MDGA2: variants seen among roughly 807,000 people sequenced by gnomAD.
MDGA2 encodes the protein MAM domain-containing glycosylphosphatidylinositol anchor protein 2.
In MDGA2, 40 loss-of-function variants were observed where a neutral mutation model predicts 117.8. The ratio of observed to expected loss-of-function variants is 0.34; its 90% CI spans 0.26 to 0.44. MDGA2 has a LOEUF of 0.44. Among genes scored for constraint, MDGA2 ranks in the 20% least tolerant of loss-of-function variants. The pLI, the probability that MDGA2 is intolerant of heterozygous loss-of-function variation, is 1.00. For synonymous variants in MDGA2, 452 were observed against 439.0 expected (o/e 1.03, Z -0.37); for missense variants, 1,123 against 1,250.6 (o/e 0.90, Z 1.54).
intron 3 of MDGA2, among the ~76,000 whole-genome samples, chr14:47,203,758 G>A (rs137984951): frequency 1.1e-3 from 170 of 152,054 alleles, no homozygotes; most frequent in African/African-American, 4.0e-3. Context: ...TTTGATTCAA[G>A]AGATCTGGGC....
chr14:47,036,194 C>G (rs758951096), intron 7 of MDGA2, among the ~76,000 whole-genome samples: 1 of 141,842 alleles, frequency 7.1e-6, no homozygotes, highest in African/African-American at 2.7e-5. Flanking sequence ...GGTGTGAACC[C>G]GGGAGGCGGA....
rs557622166 is a variant in MDGA2 at position 46,871,912 on chromosome 14, C to T, written c.2752+1521G>A. Reference sequence around the variant, plus strand: ...CCTGTAATCCCAGCATTTTGAGAGGCGAAGGTGGGAAGATTCCTTGAGACC... The same window carrying T: ...CCTGTAATCCCAGCATTTTGAGAGGTGAAGGTGGGAAGATTCCTTGAGACC... On this transcript the variant is annotated intron_variant, in intron 14 of 16. Coordinates refer to ENST00000399232, the MANE Select transcript of MDGA2 (RefSeq NM_001113498.3). 4.3e-5 allele frequency: 17 copies of T among 398,162 alleles called. No individual in the cohort carries two copies. In the East Asian group the frequency reaches 6.8e-4, roughly 16 times the overall value. The allele number at this position is 398,162 out of a possible 1,614,324, so 24.7% of individuals were successfully genotyped here.
At chr14:47,185,375 C>A (rs978535181) in intron 3 of MDGA2, among the ~76,000 whole-genome samples, 5 of 151,310 alleles carry the variant, frequency 3.3e-5, no homozygotes, top group African/African-American at 4.8e-5. Context: ...CCTAAAAGCA[C>A]CCCTATGCTT....
intron 3 of MDGA2, among the ~76,000 whole-genome samples, chr14:47,178,565 G>A (rs1040722992): frequency 3.3e-5 from 5 of 151,952 alleles, no homozygotes; most frequent in Non-Finnish European, 7.4e-5. Flanking sequence ...AATGTTTCAT[G>A]TTTACCATTT....
chr14:47,509,597 C>T (rs1429326204), intron 1 of MDGA2, among the ~76,000 whole-genome samples: 2 of 152,186 alleles, frequency 1.3e-5, no homozygotes, highest in East Asian at 3.9e-4. Context: ...GGGTGGGGGG[C>T]CTTCCTACCA....
chr14:47,336,738 T>C (rs1890471070), intron 1 of MDGA2, among the ~76,000 whole-genome samples: 1 of 152,004 alleles, frequency 6.6e-6, no homozygotes, highest in Non-Finnish European at 1.5e-5. Flanking sequence ...ATCTCCATCA[T>C]ATCACATGGT....
chr14:47,030,989 T>C (rs1888644802), intron 8 of MDGA2, among the ~76,000 whole-genome samples: 1 of 152,132 alleles, frequency 6.6e-6, no homozygotes, highest in Non-Finnish European at 1.5e-5. Flanking sequence ...CTTAACAGGA[T>C]ATAGAATGGT....
rs1023180233 is a variant in MDGA2 at position 47,491,407 on chromosome 14, G to A, written c.280+183110C>T. ...CCTTTCCTCTATGAGAATAAGGGGC[G>A]TGTTGAACTTTATCCTATTTGAAGC... is the stretch of plus-strand genomic sequence containing the variant. On this transcript the variant is annotated intron_variant, in intron 1 of 16. Coordinates refer to ENST00000399232, the MANE Select transcript of MDGA2 (RefSeq NM_001113498.3). 1.7e-4 allele frequency among the ~76,000 whole-genome samples: 26 copies of A among 152,136 alleles called. 1 individual carries two copies. The highest frequency in any genetic ancestry group is 5.8e-4 in the African/African-American group (24 of 41,542).
chr14:47,059,089 C>G lies in MDGA2; in HGVS notation c.1525+2160G>C, dbSNP rs148914105. On this transcript the variant is annotated intron_variant, in intron 7 of 16. Coordinates refer to ENST00000399232, the MANE Select transcript of MDGA2 (RefSeq NM_001113498.3). ...ATTACAATAAGGGCAGTAAGAGGCA[C>G]AGCAAATGTCTATATTATAGAGACA... The G allele has an allele frequency of 8.3e-5, 85 of 1,019,718 alleles. No individual in the cohort carries two copies. In the African/African-American group the frequency reaches 1.4e-3, roughly 17 times the overall value. 63.2% of individuals were successfully genotyped at this position (1,019,718 alleles called of 1,614,324 possible). A position where few individuals can be genotyped will look rare whatever the true frequency, so the allele number is the denominator to read the frequency against.
At chr14:47,632,808 C>T (rs1050568714) in intron 1 of MDGA2, among the ~76,000 whole-genome samples, 1 of 151,722 alleles carries the variant, frequency 6.6e-6, no homozygotes, top group African/African-American at 2.4e-5. Context: ...CTCTCTCCTT[C>T]TGATTAACAC....
chr14:47,637,728 A>G (rs969698730), intron 1 of MDGA2, among the ~76,000 whole-genome samples: 3 of 152,222 alleles, frequency 2.0e-5, no homozygotes, highest in African/African-American at 4.8e-5. Flanking sequence ...TCCAAATTGT[A>G]AGTGCAAGTT....
chr14:47,128,320 A>G (rs1479346897), intron 5 of MDGA2, among the ~76,000 whole-genome samples: 1 of 152,260 alleles, frequency 6.6e-6, no homozygotes, highest in South Asian at 2.1e-4. Flanking sequence ...GATTTTAAAA[A>G]TTAATAAGGC....
At chr14:47,153,341 C>A (rs1883234819) in intron 3 of MDGA2, among the ~76,000 whole-genome samples, 1 of 152,062 alleles carries the variant, frequency 6.6e-6, no homozygotes, top group African/African-American at 2.4e-5. Context: ...TGATTAGAAA[C>A]CGGGCTGGGC....
rs148271624 is a variant in MDGA2, at chr14:47,443,621, T to C, written c.281-142071A>G. The stretch of plus-strand genomic sequence containing the variant: ...ATGCATTTATGTTGTATTTTGTTTT[T>C]ATAATAAAAGAATATCAAATATGGT... On this transcript the variant is annotated intron_variant, in intron 1 of 16. Coordinates refer to ENST00000399232, the MANE Select transcript of MDGA2 (RefSeq NM_001113498.3). 2.6e-5 allele frequency among the ~76,000 whole-genome samples: 4 copies of C among 152,330 alleles called. No individual in the cohort carries two copies. The East Asian group carries it at 7.7e-4, about 29-fold the overall frequency.
chr14:46,941,201 T>A (rs1884988444), intron 9 of MDGA2, among the ~76,000 whole-genome samples: 1 of 152,186 alleles, frequency 6.6e-6, no homozygotes, highest in Non-Finnish European at 1.5e-5. Flanking sequence ...GTAACTGTCT[T>A]TGTCATACAT....
rs564940719 is a variant in MDGA2, at chr14:47,210,250, G to A, written c.595+7771C>T. Among the ~76,000 whole-genome samples the A allele has an allele frequency of 2.0e-5, 3 of 152,118 alleles. No individual in the cohort carries two copies. In the South Asian group the frequency reaches 6.2e-4, roughly 32 times the overall value. On this transcript the variant is annotated intron_variant, in intron 3 of 16. Transcript: ENST00000399232. Reference sequence around the variant, plus strand: ...CTACCTAAGTGACATGAAAGTAGGGGATAAGCTTCAGAAATAAGAATGCTT... The same window carrying A: ...CTACCTAAGTGACATGAAAGTAGGGAATAAGCTTCAGAAATAAGAATGCTT...
chr14:47,573,449 A>AT (rs1896058219), intron 1 of MDGA2, among the ~76,000 whole-genome samples: 1 of 152,222 alleles, frequency 6.6e-6, no homozygotes, highest in Non-Finnish European at 1.5e-5. Flanking sequence ...AGGACTTGCC[A>AT]TATCACTAGA....
chr14:46,998,793 T>A (rs1887395153), intron 8 of MDGA2, among the ~76,000 whole-genome samples: 1 of 152,120 alleles, frequency 6.6e-6, no homozygotes, highest in Non-Finnish European at 1.5e-5. Flanking sequence ...TATATAATCT[T>A]AATTAGTGGG....
At chr14:47,112,962 G>A (rs1881125623) in intron 5 of MDGA2, among the ~76,000 whole-genome samples, 1 of 152,132 alleles carries the variant, frequency 6.6e-6, no homozygotes, top group Non-Finnish European at 1.5e-5. Context: ...GTATCTCATT[G>A]TGGTTTTCAT....
Sources: gnomAD v4.1 joint callset for allele counts (sites outside exome capture counted in the v4.1 genomes callset) on GRCh38, gnomAD v4.1.1 for gene constraint, MANE v1.5 for transcripts, NCBI Gene and HGNC (gene_info 2026-07-23, HGNC 2026-07-21) for gene names.